The following USP28 variants were observed in gnomAD, a reference collection of about 807,000 sequenced individuals.
USP28 encodes ubiquitin specific peptidase 28, also known as ubiquitin carboxyl-terminal hydrolase 28.
A neutral mutation model predicts 145.0 loss-of-function variants in USP28; 113 were observed. That is an observed-to-expected ratio of 0.78 (90% CI 0.67 to 0.91). The LOEUF (loss-of-function observed/expected upper bound fraction) is 0.91. Among genes scored for constraint, USP28 ranks in the 40% least tolerant of loss-of-function variants. The probability of loss-of-function intolerance (pLI) is 0.00; values close to 1 mark genes in which losing one functional copy is unlikely to be tolerated. For missense variants in USP28, 1,201 were observed against 1,289.6 expected, an observed-to-expected ratio of 0.93 and a Z score of 1.05; for synonymous variants, 447 against 450.9, an observed-to-expected ratio of 0.99 and a Z score of 0.11.
exon 4 of USP28, chr11:113,841,732 A>G: frequency 6.2e-7 from 1 of 1,613,720 alleles, no homozygotes; most frequent in Non-Finnish European, 8.5e-7. Flanking sequence ...GGCAGCCTGA[A>G]GATCATCTTT....
rs560511967 is a variant in USP28, at chr11:113,867,750, AAATG to A, written c.57+7691_57+7694del. The stretch of plus-strand genomic sequence containing the variant: ...CTAGACCCCAACTCTATGAAAAAAC[AAATG>A]AATAAGGAAACCTGTATACACATCC... On this transcript the variant is annotated intron_variant, in intron 1 of 24. Coordinates refer to ENST00000003302, the Ensembl canonical transcript of USP28. Among the ~76,000 whole-genome samples, 9 of 150,426 alleles carry A rather than the reference AAATG, an allele frequency of 6.0e-5. No homozygotes were observed. The South Asian group carries it at 1.7e-3, about 29-fold the overall frequency.
intron 1 of USP28, among the ~76,000 whole-genome samples, chr11:113,872,258 G>A (rs1001065867): frequency 3.3e-5 from 5 of 152,116 alleles, no homozygotes; most frequent in African/African-American, 4.8e-5. Flanking sequence ...AGACCGAGGC[G>A]GGCGGATCAT....
At chr11:113,802,626 G>A (rs1005382819) in intron 23 of USP28, among the ~76,000 whole-genome samples, 2 of 152,160 alleles carry the variant, frequency 1.3e-5, no homozygotes, top group African/African-American at 4.8e-5. Context: ...GAGAGAGTTA[G>A]TCTTCACTAG....
chr11:113,832,260 C>G (rs1019664445), intron 7 of USP28, among the ~76,000 whole-genome samples: 1 of 152,128 alleles, frequency 6.6e-6, no homozygotes, highest in Non-Finnish European at 1.5e-5. Context: ...CAGGCACATG[C>G]CACCATGCCT....
At chr11:113,875,537 G>C in exon 1 of USP28, 2 of 1,136,550 alleles carry the variant, frequency 1.8e-6, no homozygotes, top group Non-Finnish European at 2.2e-6. Flanking sequence ...CCGGTCTCCC[G>C]CCGCAGCCGC....
At chr11:113,819,658 T>C (rs1942308878) in intron 12 of USP28, among the ~76,000 whole-genome samples, 1 of 152,172 alleles carries the variant, frequency 6.6e-6, no homozygotes, top group African/African-American at 2.4e-5. Flanking sequence ...ATTATAAAAA[T>C]GTATCAAGGG....
chr11:113,802,639 T>C (rs929898690), intron 23 of USP28, among the ~76,000 whole-genome samples: 1 of 152,324 alleles, frequency 6.6e-6, no homozygotes, highest in South Asian at 2.1e-4. Flanking sequence ...TTCACTAGTA[T>C]GTGACAATGA....
At chr11:113,800,526 A>G in intron 24 of USP28, among the ~76,000 whole-genome samples, 1 of 148,606 alleles carries the variant, frequency 6.7e-6, no homozygotes, top group East Asian at 2.0e-4. Context: ...CCTGGGCTCA[A>G]GTGAGCCACC....
intron 12 of USP28, chr11:113,820,591 G>A (rs1407517012): frequency 6.6e-6 from 1 of 152,196 alleles, no homozygotes; most frequent in Non-Finnish European, 1.5e-5. Context: ...TGGGACCTAG[G>A]GATAGCACCA....
At chr11:113,803,348 C>T in intron 22 of USP28, 67 bp from the exon 24 acceptor site, 1 of 1,474,900 alleles carries the variant, frequency 6.8e-7, no homozygotes, top group Non-Finnish European at 9.0e-7. Context: ...TTAGACCTCA[C>T]TTTTCCCCAT....
In USP28 at chr11:113,803,282, C is replaced by CCTT; in HGVS notation, c.2739-2_2739-1insAAG. 6.2e-7 allele frequency: 1 copy of CCTT among 1,602,584 alleles called. No individual in the cohort carries two copies. The highest frequency in any genetic ancestry group is 1.4e-5 in the African/African-American group (1 of 72,996). ...CAGGTAGGAAAGTGCCTCTTGGTAC[C>CCTT]TTAGAAAAATGGGAGATAAACAACA... On this transcript the variant is annotated splice_acceptor_variant, in intron 22 of 24. Coordinates refer to ENST00000003302, the Ensembl canonical transcript of USP28. LOFTEE classifies it high-confidence loss of function.
intron 13 of USP28, among the ~76,000 whole-genome samples, chr11:113,816,571 A>G (rs995919561): frequency 5.9e-5 from 9 of 152,128 alleles, no homozygotes; most frequent in African/African-American, 2.2e-4. Flanking sequence ...ACTCTCTCAC[A>G]TGCACAAAAT....
intron 8 of USP28, among the ~76,000 whole-genome samples, chr11:113,831,375 A>T (rs1279416192): frequency 1.3e-5 from 2 of 152,246 alleles, no homozygotes; most frequent in Non-Finnish European, 2.9e-5. Context: ...TCTCCTTACA[A>T]GTCCTTCTTA....
intron 14 of USP28, among the ~76,000 whole-genome samples, chr11:113,814,372 G>A (rs959659346): frequency 6.6e-6 from 1 of 152,158 alleles, no homozygotes; most frequent in African/African-American, 2.4e-5. Flanking sequence ...AAAGGAGACA[G>A]GAAGGGGGGT....
At chr11:113,858,326 TTCTCC>T (rs1247617390) in intron 1 of USP28, among the ~76,000 whole-genome samples, 35 of 152,352 alleles carry the variant, frequency 2.3e-4, no homozygotes, top group Non-Finnish European at 4.0e-4. Context: ...GTTCCACCTT[TTCTCC>T]TCTCAGTTCC....
exon 11 of USP28, chr11:113,827,250 C>G: frequency 6.2e-7 from 1 of 1,607,856 alleles, no homozygotes; most frequent in Non-Finnish European, 8.5e-7. Context: ...TATAAATAAT[C>G]TGAGGAAATT....
chr11:113,834,276 A>C, exon 6 of USP28: 1 of 1,612,334 alleles, frequency 6.2e-7, no homozygotes, highest in East Asian at 2.2e-5. Flanking sequence ...TTTCAAGTAC[A>C]TTTTGTGGCA....
chr11:113,824,788 G>A (rs1195429229), intron 11 of USP28, among the ~76,000 whole-genome samples: 1 of 151,684 alleles, frequency 6.6e-6, no homozygotes, highest in Non-Finnish European at 1.5e-5. Context: ...AAAATTAGCT[G>A]GGCGTTGTGG....
intron 1 of USP28, chr11:113,859,259 G>A (rs1947389915): frequency 6.6e-6 from 1 of 151,990 alleles, no homozygotes; most frequent in South Asian, 2.1e-4. Context: ...GGAAATTAAG[G>A]TTTACAAAAT....
Sources: allele counts gnomAD v4.1 joint callset (sites outside exome capture counted in the v4.1 genomes callset), GRCh38; gene constraint gnomAD v4.1.1; transcripts MANE v1.5; gene names NCBI Gene and HGNC (gene_info 2026-07-23, HGNC 2026-07-21).